ELAPOR1: variants seen among roughly 807,000 people sequenced by gnomAD.
ELAPOR1 encodes endosome/lysosome-associated apoptosis and autophagy regulator 1.
Under a neutral mutation model 119.7 loss-of-function variants are expected in ELAPOR1, and 77 were observed. That is an observed-to-expected ratio of 0.64 (90% CI 0.54 to 0.78). The LOEUF (loss-of-function observed/expected upper bound fraction) is 0.78, where lower values mean the gene tolerates loss of function less well. Among genes scored for constraint, ELAPOR1 ranks in the 30% least tolerant of loss-of-function variants. ELAPOR1 has a pLI of 0.00. For missense variants in ELAPOR1, 1,115 were observed against 1,270.4 expected (o/e 0.88, Z 1.86); for synonymous variants, 481 against 487.2 (o/e 0.99, Z 0.17).
intron 15 of ELAPOR1, 72 bp from the exon 16 acceptor site, chr1:109,197,402 C>A: frequency 7.4e-7 from 1 of 1,360,242 alleles, no homozygotes; most frequent in Admixed American, 1.8e-5. Context: ...AAAAGCCTTC[C>A]CTATTCCCTT....
At chr1:109,195,395 G>A (rs1490337946) in intron 15 of ELAPOR1, among the ~76,000 whole-genome samples, 2 of 152,046 alleles carry the variant, frequency 1.3e-5, no homozygotes, top group African/African-American at 4.8e-5. Context: ...TCAGGAGGCT[G>A]AGGCAGGACA....
Position 109,194,482 on chromosome 1 carries a change from A to G in ELAPOR1, c.2009A>G (p.Asn670Ser). 2 of 1,613,798 alleles carry G rather than the reference A, an allele frequency of 1.2e-6. No homozygotes were observed. The highest frequency in any genetic ancestry group is 8.5e-7 in the Non-Finnish European group (1 of 1,179,654). ...CGCAACACTCCGACCAGGACTTTCA[A>G]CTACAACTTCTCCGCTTTGGCAAAC... ...FSRNTPTRTF[N>S]YNFSALANTV... Residue 670 changes from asparagine (N) to serine (S), a missense_variant, in exon 15 of 22, where the codon AAC becomes AGC. Asn to Ser is a conservative substitution (Grantham distance 46). Coordinates refer to ENST00000369939, the MANE Select transcript of ELAPOR1 (RefSeq NM_020775.5).
At chr1:109,175,315 G>C (rs1463286424) in intron 7 of ELAPOR1, among the ~76,000 whole-genome samples, 1 of 151,480 alleles carries the variant, frequency 6.6e-6, no homozygotes, top group South Asian at 2.1e-4. Flanking sequence ...CAATTTTCCT[G>C]CCTCGGCCTC....
intron 1 of ELAPOR1, among the ~76,000 whole-genome samples, chr1:109,123,385 C>T (rs1480723670): frequency 1.3e-5 from 2 of 152,166 alleles, no homozygotes; most frequent in Non-Finnish European, 2.9e-5. Flanking sequence ...CAGTATGCCA[C>T]AAGATCTTTT....
intron 1 of ELAPOR1, among the ~76,000 whole-genome samples, chr1:109,139,418 TA>T (rs1338490186): frequency 6.6e-6 from 1 of 152,178 alleles, no homozygotes; most frequent in Non-Finnish European, 1.5e-5. Context: ...AGGCACACTG[TA>T]GATACTGGGG....
chr1:109,114,252 C>T lies in ELAPOR1; in HGVS notation c.69C>T (p.Pro23=). 1 of 1,603,316 alleles carries T rather than the reference C, an allele frequency of 6.2e-7. No homozygotes were observed. The stretch of plus-strand genomic sequence containing the variant: ...GGGGAAGAACTGAGAGGCGCATACC[C>T]CGGCTGTGGCGGCTGCTGCTCTGGG... ...RVRGRTERRI[P]RLWRLLLWAG... Residue 23 remains proline (P), a synonymous_variant, in exon 1 of 22, where the codon CCC becomes CCT. Transcript: ENST00000369939.
chr1:109,183,618 C>CCT, intron 7 of ELAPOR1, among the ~76,000 whole-genome samples: 1 of 4,918 alleles, frequency 2.0e-4, no homozygotes, highest in East Asian at 0.12. Flanking sequence ...CCATCCTTCC[C>CCT]TCCTTCCTTC....
chr1:109,202,532 C>T (rs1475440858), intron 21 of ELAPOR1, among the ~76,000 whole-genome samples: 2 of 151,898 alleles, frequency 1.3e-5, no homozygotes, highest in Non-Finnish European at 2.9e-5. Flanking sequence ...ACCTCTGTTC[C>T]CGGGTTCAAG....
At chr1:109,184,794 G>A (rs1431856609) in intron 7 of ELAPOR1, among the ~76,000 whole-genome samples, 1 of 152,230 alleles carries the variant, frequency 6.6e-6, no homozygotes, top group Non-Finnish European at 1.5e-5. Flanking sequence ...TGGGGCGGGG[G>A]ACGGGAAGCG....
chr1:109,121,413 C>T (rs190509132), intron 1 of ELAPOR1, among the ~76,000 whole-genome samples: 81 of 152,302 alleles, frequency 5.3e-4, no homozygotes, highest in Middle Eastern at 3.4e-3. Flanking sequence ...TCCCAAAGTG[C>T]GTGAGCCACT....
At chr1:109,149,403 C>T (rs1282536773) in intron 1 of ELAPOR1, among the ~76,000 whole-genome samples, 1 of 152,004 alleles carries the variant, frequency 6.6e-6, no homozygotes, top group Non-Finnish European at 1.5e-5. Flanking sequence ...GGGAGAGCTA[C>T]TGAACTATTT....
intron 11 of ELAPOR1, among the ~76,000 whole-genome samples, chr1:109,191,054 C>G (rs1395397337): frequency 6.6e-6 from 1 of 152,072 alleles, no homozygotes; most frequent in African/African-American, 2.4e-5. Flanking sequence ...GGTCTGTGGA[C>G]CATATTCTGC....
intron 3 of ELAPOR1, among the ~76,000 whole-genome samples, chr1:109,164,985 C>T (rs17033772): frequency 0.16 from 24,472 of 152,138 alleles, 2,183 homozygotes; most frequent in Middle Eastern, 0.23. Flanking sequence ...ATGGCCCAGT[C>T]TATTTAAAAC....
Position 109,191,401 on chromosome 1 carries a change from A to T in ELAPOR1, c.1475A>T (p.Lys492Ile), listed in dbSNP as rs1470037635. ...PQSVMADTEN[K>I]EVARITFVFE... is the part of the protein sequence containing the mutation. ...TCGGTGATGGCAGACACAGAGAATA[A>T]AGAGGTGGCCAGAATCACATTTGTC... Residue 492 changes from lysine (K) to isoleucine (I), a missense_variant, in exon 12 of 22, where the codon AAA (lysine) becomes ATA (isoleucine). Lys to Ile is a moderately radical substitution (Grantham distance 102). Transcript: ENST00000369939. 1 of 1,614,126 alleles carries T rather than the reference A, an allele frequency of 6.2e-7. No homozygotes were observed. Among genetic ancestry groups the T allele is most frequent in the Admixed American group, 1.7e-5 (1 of 60,016 alleles).
chr1:109,193,804 AC>A (rs529086079), intron 14 of ELAPOR1, among the ~76,000 whole-genome samples: 59 of 152,254 alleles, frequency 3.9e-4, no homozygotes, highest in African/African-American at 1.3e-3. Context: ...TCTTTCGGGT[AC>A]CCTGGACTTT....
At chr1:109,198,781 A>T in intron 18 of ELAPOR1, 107 bp downstream of exon 18, 1 of 971,350 alleles carries the variant, frequency 1.0e-6, no homozygotes, top group Admixed American at 2.2e-5. Context: ...AGAGTTTGAG[A>T]TCCATTAATG....
At chr1:109,173,258 C>T (rs1229321904) in intron 5 of ELAPOR1, among the ~76,000 whole-genome samples, 2 of 151,934 alleles carry the variant, frequency 1.3e-5, no homozygotes, top group Non-Finnish European at 2.9e-5. Flanking sequence ...ATATATGATC[C>T]AGGGAGTGGT....
chr1:109,148,614 G>A (rs1017268171), intron 1 of ELAPOR1, among the ~76,000 whole-genome samples: 2 of 152,180 alleles, frequency 1.3e-5, no homozygotes, highest in Non-Finnish European at 2.9e-5. Context: ...AGCCCTGTCT[G>A]TTGAACTGGT....
chr1:109,201,264 A>G, intron 21 of ELAPOR1: 2 of 455,070 alleles, frequency 4.4e-6, no homozygotes, highest in South Asian at 1.6e-5. Context: ...CTCTGGGATC[A>G]ACTTCTGATA....
Sources: gnomAD v4.1 joint callset for allele counts (sites outside exome capture counted in the v4.1 genomes callset) on GRCh38, gnomAD v4.1.1 for gene constraint, MANE v1.5 for transcripts, NCBI Gene and HGNC (gene_info 2026-07-23, HGNC 2026-07-21) for gene names.